Variants in PLCE1 observed in about 807,000 individuals in gnomAD.
PLCE1 encodes 1-phosphatidylinositol 4,5-bisphosphate phosphodiesterase epsilon-1.
A neutral mutation model predicts 242.8 loss-of-function variants in PLCE1; 119 were observed. The observed-to-expected ratio is 0.49, with a 90% CI of 0.42 to 0.57. The LOEUF is 0.57. PLCE1 is among the 20% of genes least tolerant of loss of function. The pLI, the probability that PLCE1 is intolerant of heterozygous loss-of-function variation, is 0.00. For missense variants in PLCE1, 2,441 were observed against 2,788.8 expected, an observed-to-expected ratio of 0.88 and a Z score of 2.81; for synonymous variants, 945 against 1,017.4, an observed-to-expected ratio of 0.93 and a Z score of 1.35.
At chr10:94,262,856 G>A in intron 14 of PLCE1, 124 bp downstream of exon 14, 1 of 785,582 alleles carries the variant, frequency 1.3e-6, no homozygotes, top group Non-Finnish European at 2.2e-6. Flanking sequence ...CAGATATACA[G>A]TTTTGTTTTT....
At chr10:94,020,218 T>C (rs977732870) in intron 1 of PLCE1, among the ~76,000 whole-genome samples, 1 of 152,210 alleles carries the variant, frequency 6.6e-6, no homozygotes, top group African/African-American at 2.4e-5. Flanking sequence ...TGCTATCTCA[T>C]TGTGATTTTA....
At chr10:94,215,374 G>C (rs1373894065) in intron 4 of PLCE1, among the ~76,000 whole-genome samples, 1 of 152,132 alleles carries the variant, frequency 6.6e-6, no homozygotes, top group Non-Finnish European at 1.5e-5. Context: ...AAACAGATGA[G>C]TAAAACAATG....
At chr10:94,137,929 C>G (rs1418811773) in intron 3 of PLCE1, 1 of 383,996 alleles carries the variant, frequency 2.6e-6, no homozygotes. Context: ...AGGAGATGAC[C>G]AAGTACCACA....
rs377607597 is a variant in PLCE1, at chr10:94,178,776, G to A, written c.1809+7280G>A. On this transcript the variant is annotated intron_variant, in intron 4 of 32. Coordinates refer to ENST00000371380, the MANE Select transcript of PLCE1 (RefSeq NM_016341.4). Reference sequence around the variant, plus strand: ...AAAGACCATTTCAGCACAGTAAGCAGAAAGCATAGCATATTATAACGATGT... The same window carrying A: ...AAAGACCATTTCAGCACAGTAAGCAAAAAGCATAGCATATTATAACGATGT... 1.7e-4 allele frequency among the ~76,000 whole-genome samples: 26 copies of A among 152,348 alleles called. 1 individual carries two copies. In the East Asian group the frequency reaches 2.3e-3, roughly 14 times the overall value.
At chr10:94,219,801 A>G (rs1247900224) in intron 4 of PLCE1, among the ~76,000 whole-genome samples, 1 of 152,232 alleles carries the variant, frequency 6.6e-6, no homozygotes, top group Non-Finnish European at 1.5e-5. Context: ...CTGGAGACGT[A>G]AATTTAGAGC....
intron 4 of PLCE1, among the ~76,000 whole-genome samples, chr10:94,220,376 T>TTATATATATATATATATATATATA (rs59633337): frequency 1.6e-5 from 1 of 61,878 alleles, no homozygotes; most frequent in Non-Finnish European, 2.9e-5. Flanking sequence ...ACTAAACATT[T>TTATATATATATATATATATATATA]TATATATATA....
At chr10:93,998,368 G>A (rs1252894117) in intron 1 of PLCE1, among the ~76,000 whole-genome samples, 2 of 152,128 alleles carry the variant, frequency 1.3e-5, no homozygotes, top group Non-Finnish European at 2.9e-5. Flanking sequence ...CAGGGGGCAT[G>A]TATACCTCTT....
At chr10:94,044,858 G>A (rs996374973) in intron 2 of PLCE1, among the ~76,000 whole-genome samples, 8 of 152,164 alleles carry the variant, frequency 5.3e-5, no homozygotes, top group Non-Finnish European at 1.5e-5. Flanking sequence ...GAACAGTGGA[G>A]TCTGTTGAGT....
chr10:94,067,685 G>A (rs1418573572), intron 2 of PLCE1, among the ~76,000 whole-genome samples: 1 of 152,200 alleles, frequency 6.6e-6, no homozygotes, highest in African/African-American at 2.4e-5. Flanking sequence ...CAATGAAAGA[G>A]GGCTGCTTGG....
chr10:94,019,053 T>G (rs1262561885), intron 1 of PLCE1, among the ~76,000 whole-genome samples: 1 of 152,164 alleles, frequency 6.6e-6, no homozygotes, highest in Admixed American at 6.5e-5. Flanking sequence ...GGTACTACTT[T>G]TTGAGAGACT....
chr10:94,323,417 G>A (rs2053893054), intron 30 of PLCE1, among the ~76,000 whole-genome samples: 1 of 152,206 alleles, frequency 6.6e-6, no homozygotes, highest in African/African-American at 2.4e-5. Context: ...ATAGTAGTGT[G>A]CTGGTAAACC....
At chr10:94,259,319 T>C (rs2051214144) in intron 13 of PLCE1, among the ~76,000 whole-genome samples, 169 bp downstream of exon 13, 2 of 150,906 alleles carry the variant, frequency 1.3e-5, no homozygotes, top group Non-Finnish European at 3.0e-5. Flanking sequence ...AGTCTCACTC[T>C]GTAGCCCAGG....
At chr10:94,289,242 T>C (rs550318953) in intron 22 of PLCE1, among the ~76,000 whole-genome samples, 1 of 152,200 alleles carries the variant, frequency 6.6e-6, no homozygotes, top group Admixed American at 6.5e-5. Flanking sequence ...GATGAGGCCC[T>C]GCAGAGCATG....
intron 11 of PLCE1, among the ~76,000 whole-genome samples, chr10:94,257,618 G>A (rs534801117): frequency 1.3e-5 from 2 of 152,308 alleles, no homozygotes; most frequent in African/African-American, 2.4e-5. Flanking sequence ...CATGTCCTTT[G>A]TGGGGACATA....
Position 93,998,750 on chromosome 10 carries a change from T to C in PLCE1, c.-365+4492T>C, listed in dbSNP as rs140551212. On this transcript the variant is annotated intron_variant, in intron 1 of 32. Transcript: ENST00000371380. ...GGGGAGGTGGAGATGGTAGGCTAGA[T>C]CATGATCTACCAAAGATGTCCAAGT... is the stretch of plus-strand genomic sequence containing the variant. Among the ~76,000 whole-genome samples the C allele has an allele frequency of 3.9e-5, 6 of 152,320 alleles. No homozygotes were observed. In the East Asian group the frequency reaches 1.2e-3, roughly 29 times the overall value.
chr10:94,167,153 T>C (rs761721965), intron 3 of PLCE1, among the ~76,000 whole-genome samples: 1 of 152,128 alleles, frequency 6.6e-6, no homozygotes, highest in Non-Finnish European at 1.5e-5. Flanking sequence ...TAGCTGGGCA[T>C]GGTGACACAC....
chr10:94,319,529 G>GCTGT (rs1473881771), intron 29 of PLCE1, among the ~76,000 whole-genome samples: 1 of 152,078 alleles, frequency 6.6e-6, no homozygotes. Context: ...GGGCTTTCAA[G>GCTGT]CTGTCAGATA....
intron 2 of PLCE1, among the ~76,000 whole-genome samples, chr10:94,056,255 G>T (rs1157003): frequency 0.39 from 59,177 of 151,972 alleles, 14,256 homozygotes; most frequent in African/African-American, 0.69. Context: ...TTGAAAAAAA[G>T]CAGAGAGAGG....
chr10:94,224,142 T>C (rs2137125996), intron 4 of PLCE1, among the ~76,000 whole-genome samples: 1 of 152,244 alleles, frequency 6.6e-6, no homozygotes. Flanking sequence ...TGTGTGTGTT[T>C]ATGATAACAG....
Sources: allele counts gnomAD v4.1 joint callset (sites outside exome capture counted in the v4.1 genomes callset), GRCh38; gene constraint gnomAD v4.1.1; transcripts MANE v1.5; gene names NCBI Gene and HGNC (gene_info 2026-07-23, HGNC 2026-07-21).